Variants in TAS2R1 observed in about 807,000 individuals in gnomAD.
TAS2R1 encodes taste 2 receptor member 1, also known as taste receptor type 2 member 1.
For synonymous variants in TAS2R1, 141 were observed against 134.2 expected (o/e 1.05, Z -0.35); for missense variants, 370 against 353.4 (o/e 1.05, Z -0.38).
chr5:9,801,591 T>C, the TAS2R1 span, among the ~76,000 whole-genome samples: 1 of 151,924 alleles, frequency 6.6e-6, no homozygotes, highest in Non-Finnish European at 1.5e-5. Context: ...AAACTGTGAG[T>C]CTGCTTGCTT....
chr5:9,704,478 G>A (rs1741559773), intron 1 of TAS2R1, among the ~76,000 whole-genome samples: 1 of 152,138 alleles, frequency 6.6e-6, no homozygotes, highest in African/African-American at 2.4e-5. Flanking sequence ...AATGTATACG[G>A]TTAATACCCT....
upstream of TAS2R1, among the ~76,000 whole-genome samples, chr5:9,716,208 G>A (rs755555276): frequency 1.1e-3 from 168 of 152,136 alleles, no homozygotes; most frequent in Admixed American, 3.7e-3. Context: ...GAGGAGCCTC[G>A]GGAAGTCTGT....
At position 9,630,204 on chromosome 5, in the gene TAS2R1, T is replaced by G. The variant is rs1200513335; in HGVS notation, c.-172A>C. 10 of 519,154 alleles carry G rather than the reference T, an allele frequency of 1.9e-5. No homozygotes were observed. The highest frequency in any genetic ancestry group is 3.0e-5 in the Non-Finnish European group (9 of 297,784). The allele number at this position is 519,154 out of a possible 1,614,324, so 32.2% of individuals were successfully genotyped here. On this transcript the variant is annotated 5_prime_UTR_variant, in exon 1 of 1. Coordinates refer to ENST00000382492, the MANE Select transcript of TAS2R1 (RefSeq NM_019599.3). ...TTTGTTTATGTCACTGCTTTCTCTA[T>G]TTAGTTCTGAGACAGTCAAATAAGG...
intron 1 of TAS2R1, among the ~76,000 whole-genome samples, chr5:9,697,533 C>T (rs1741384703): frequency 6.6e-6 from 1 of 152,072 alleles, no homozygotes; most frequent in South Asian, 2.1e-4. Context: ...AGATGTTGAA[C>T]ACAATTCAAC....
the TAS2R1 span, among the ~76,000 whole-genome samples, chr5:9,725,408 C>T: frequency 6.6e-6 from 1 of 152,190 alleles, no homozygotes; most frequent in Non-Finnish European, 1.5e-5. Context: ...TTGGAGCAGC[C>T]GGCTGGCCCT....
intron 2 of TAS2R1, among the ~76,000 whole-genome samples, chr5:9,648,942 C>G (rs1740251545): frequency 6.6e-6 from 1 of 152,140 alleles, no homozygotes; most frequent in African/African-American, 2.4e-5. Context: ...TCTGACTTAA[C>G]ACTCTTTTAT....
At chr5:9,723,218 T>C in the TAS2R1 span, among the ~76,000 whole-genome samples, 1 of 152,102 alleles carries the variant, frequency 6.6e-6, no homozygotes, top group Non-Finnish European at 1.5e-5. Flanking sequence ...TGGTTCTCTG[T>C]TGTTGCCATG....
the TAS2R1 span, among the ~76,000 whole-genome samples, chr5:9,725,174 T>C: frequency 2.0e-5 from 3 of 152,224 alleles, no homozygotes; most frequent in African/African-American, 7.2e-5. Context: ...CCTTGCTCGC[T>C]CTGGGCGCCT....
chr5:9,886,271 A>G, the TAS2R1 span, among the ~76,000 whole-genome samples: 2 of 150,462 alleles, frequency 1.3e-5, no homozygotes, highest in Admixed American at 1.3e-4. Flanking sequence ...AGCTCAGGCA[A>G]TTCACCGGCC....
the TAS2R1 span, among the ~76,000 whole-genome samples, chr5:9,838,262 G>C: frequency 6.6e-6 from 1 of 152,114 alleles, no homozygotes; most frequent in African/African-American, 2.4e-5. Context: ...GGTGCGCCCC[G>C]TCTCTGCACC....
At chr5:9,875,360 G>A in the TAS2R1 span, among the ~76,000 whole-genome samples, 1 of 152,316 alleles carries the variant, frequency 6.6e-6, no homozygotes, top group Non-Finnish European at 1.5e-5. Flanking sequence ...GCTGAATTCA[G>A]CTCCTGTGCT....
the TAS2R1 span, among the ~76,000 whole-genome samples, chr5:9,805,701 T>G: frequency 1.3e-5 from 2 of 152,088 alleles, no homozygotes; most frequent in African/African-American, 4.8e-5. Context: ...CAGCATCCCT[T>G]TATAATTAAA....
the TAS2R1 span, among the ~76,000 whole-genome samples, chr5:9,805,500 A>C: frequency 6.6e-6 from 1 of 152,168 alleles, no homozygotes; most frequent in Non-Finnish European, 1.5e-5. Flanking sequence ...AATTCTCAAC[A>C]AAATACTAGC....
chr5:9,856,266 C>T, the TAS2R1 span, among the ~76,000 whole-genome samples: 30 of 152,236 alleles, frequency 2.0e-4, no homozygotes, highest in African/African-American at 5.5e-4. Context: ...TTGCCTACCC[C>T]GAGAAATTCC....
chr5:9,734,628 C>T, the TAS2R1 span, among the ~76,000 whole-genome samples: 1 of 152,140 alleles, frequency 6.6e-6, no homozygotes, highest in Non-Finnish European at 1.5e-5. Flanking sequence ...TATGTATTTA[C>T]TATGCTATGC....
At chr5:9,880,869 A>G in the TAS2R1 span, among the ~76,000 whole-genome samples, 1 of 152,162 alleles carries the variant, frequency 6.6e-6, no homozygotes, top group African/African-American at 2.4e-5. Flanking sequence ...GATGCCATAT[A>G]CCAGATAAAA....
At chr5:9,757,557 T>C in the TAS2R1 span, among the ~76,000 whole-genome samples, 1 of 152,210 alleles carries the variant, frequency 6.6e-6, no homozygotes, top group Non-Finnish European at 1.5e-5. Flanking sequence ...ATGACATTTA[T>C]TAACATGATA....
At chr5:9,773,170 GT>G in the TAS2R1 span, among the ~76,000 whole-genome samples, 3 of 151,110 alleles carry the variant, frequency 2.0e-5, no homozygotes, top group Admixed American at 2.0e-4. Flanking sequence ...TTTTTTGTGT[GT>G]ATCTGTCATA....
chr5:9,800,937 A>G, the TAS2R1 span, among the ~76,000 whole-genome samples: 2 of 152,182 alleles, frequency 1.3e-5, no homozygotes, highest in African/African-American at 4.8e-5. Context: ...CAACCCTGTA[A>G]TCCCCGTACT....
Sources: allele counts gnomAD v4.1 joint callset (sites outside exome capture counted in the v4.1 genomes callset), GRCh38; gene constraint gnomAD v4.1.1; transcripts MANE v1.5; gene names NCBI Gene and HGNC (gene_info 2026-07-23, HGNC 2026-07-21).